Variants in ZNRF1 observed in about 807,000 individuals in gnomAD.
The protein encoded by ZNRF1 is zinc and ring finger 1.
A neutral mutation model predicts 18.4 loss-of-function variants in ZNRF1; 3 were observed. The observed-to-expected ratio is 0.16, with a 90% CI of 0.07 to 0.42. The LOEUF (loss-of-function observed/expected upper bound fraction) is 0.42. Among genes scored for constraint, ZNRF1 ranks in the 10% least tolerant of loss-of-function variants. The pLI, the probability that ZNRF1 is intolerant of heterozygous loss-of-function variation, is 0.99. For missense variants in ZNRF1, 310 were observed against 329.8 expected (o/e 0.94, Z 0.47); for synonymous variants, 157 against 144.2 (o/e 1.09, Z -0.64).
intron 1 of ZNRF1, among the ~76,000 whole-genome samples, chr16:75,077,210 G>A (rs928209166): frequency 3.9e-5 from 6 of 152,146 alleles, no homozygotes; most frequent in African/African-American, 1.2e-4. Context: ...GGCCAACATG[G>A]TGAAACCCCA....
At chr16:75,049,588 G>A (rs1025043323) in intron 1 of ZNRF1, among the ~76,000 whole-genome samples, 7 of 152,104 alleles carry the variant, frequency 4.6e-5, no homozygotes, top group African/African-American at 9.7e-5. Flanking sequence ...CTTGAGCTCC[G>A]GAGTTAGAGA....
At chr16:75,020,328 AT>A (rs1348634528) in intron 1 of ZNRF1, among the ~76,000 whole-genome samples, 3 of 151,542 alleles carry the variant, frequency 2.0e-5, no homozygotes, top group South Asian at 2.1e-4. Context: ...ATATAGTTGG[AT>A]TTTTTTCCAG....
At chr16:75,013,538 G>A (rs572407287) in intron 1 of ZNRF1, among the ~76,000 whole-genome samples, 1 of 152,164 alleles carries the variant, frequency 6.6e-6, no homozygotes, top group Non-Finnish European at 1.5e-5. Flanking sequence ...GGAGAGATGG[G>A]GTTTTACCAT....
intron 1 of ZNRF1, among the ~76,000 whole-genome samples, chr16:75,022,121 G>C (rs973783687): frequency 2.0e-5 from 3 of 152,180 alleles, no homozygotes; most frequent in Admixed American, 6.5e-5. Context: ...CTGGCATGGT[G>C]GTGGGCACCT....
In ZNRF1 at chr16:74,999,779, C is replaced by G; in HGVS notation, c.108C>G (p.His36Gln). ...PPPGGAPHFGHYRTGGGAMGL... is the reference protein window; with the variant it reads ...PPPGGAPHFGQYRTGGGAMGL... Reference sequence around the variant, plus strand: ...CGGGAGGGGCGCCCCATTTCGGGCACTACCGGACGGGCGGCGGGGCCATGG... The same window carrying G: ...CGGGAGGGGCGCCCCATTTCGGGCAGTACCGGACGGGCGGCGGGGCCATGG... The change falls in exon 1 of 5, where the codon CAC becomes CAG. Residue 36 changes from histidine to glutamine, a missense_variant. His to Gln is a conservative substitution (Grantham distance 24). Transcript: ENST00000335325. 2.1e-6 allele frequency: 3 copies of G among 1,414,482 alleles called. No individual in the cohort carries two copies. The highest frequency in any genetic ancestry group is 2.7e-6 in the Non-Finnish European group (3 of 1,091,020). The allele number at this position is 1,414,482 out of a possible 1,614,324, so 87.6% of individuals were successfully genotyped here.
chr16:75,053,273 G>A (rs912019144), intron 1 of ZNRF1, among the ~76,000 whole-genome samples: 1 of 152,102 alleles, frequency 6.6e-6, no homozygotes, highest in African/African-American at 2.4e-5. Context: ...TCTCTAACTT[G>A]AGGACTCCAG....
At chr16:75,040,909 A>G (rs1416673056) in intron 1 of ZNRF1, among the ~76,000 whole-genome samples, 4 of 152,044 alleles carry the variant, frequency 2.6e-5, no homozygotes, top group Non-Finnish European at 5.9e-5. Context: ...TGCCCAGCCC[A>G]CTTACCATGT....
intron 1 of ZNRF1, among the ~76,000 whole-genome samples, chr16:75,062,730 G>A (rs1310803415): frequency 6.6e-6 from 1 of 152,240 alleles, no homozygotes; most frequent in Non-Finnish European, 1.5e-5. Flanking sequence ...GTGCTTGCTA[G>A]GAGAGGCGTC....
chr16:75,046,708 T>G (rs2035520603), intron 1 of ZNRF1: 1 of 152,456 alleles, frequency 6.6e-6, no homozygotes, highest in Non-Finnish European at 1.5e-5. Flanking sequence ...CCCAAGTAGC[T>G]GGGACTACAG....
intron 1 of ZNRF1, among the ~76,000 whole-genome samples, chr16:75,027,999 C>T (rs746958534): frequency 3.9e-5 from 6 of 152,176 alleles, no homozygotes; most frequent in African/African-American, 7.2e-5. Context: ...TATCCACCCA[C>T]GTGCTTGTAT....
chr16:75,034,310 C>A (rs973558390), intron 1 of ZNRF1, among the ~76,000 whole-genome samples: 2 of 152,154 alleles, frequency 1.3e-5, no homozygotes, highest in African/African-American at 2.4e-5. Flanking sequence ...TTCCATTTCC[C>A]TCTCCCCTCA....
intron 1 of ZNRF1, among the ~76,000 whole-genome samples, chr16:75,085,203 C>T (rs77657067): frequency 4.6e-5 from 7 of 152,196 alleles, no homozygotes; most frequent in African/African-American, 1.7e-4. Context: ...TCTCTGCCCC[C>T]ACCCTAACCC....
At chr16:75,015,320 G>A (rs537120567) in intron 1 of ZNRF1, among the ~76,000 whole-genome samples, 3 of 152,232 alleles carry the variant, frequency 2.0e-5, no homozygotes, top group East Asian at 1.9e-4. Flanking sequence ...TTTATTGGCC[G>A]GGCGAGGTAG....
intron 2 of ZNRF1, among the ~76,000 whole-genome samples, chr16:75,099,714 C>G (rs992060373): frequency 1.3e-5 from 2 of 152,216 alleles, no homozygotes; most frequent in African/African-American, 4.8e-5. Context: ...ACATTTGACT[C>G]CATCTGCAGC....
chr16:75,105,134 G>A, intron 3 of ZNRF1: 1 of 436,812 alleles, frequency 2.3e-6, no homozygotes, highest in South Asian at 2.3e-5. Context: ...CAGGTGGTGG[G>A]AGCTGATGGG....
intron 1 of ZNRF1, among the ~76,000 whole-genome samples, chr16:75,047,570 AT>A (rs1308061253): frequency 6.6e-6 from 1 of 152,202 alleles, no homozygotes; most frequent in Non-Finnish European, 1.5e-5. Context: ...TCTAATTGTT[AT>A]TGGCATGTGG....
chr16:75,072,989 T>C (rs2145402465), intron 1 of ZNRF1, among the ~76,000 whole-genome samples: 1 of 152,258 alleles, frequency 6.6e-6, no homozygotes, highest in East Asian at 1.9e-4. Context: ...AAAGAAAGCA[T>C]TTAAAAAATT....
At chr16:75,038,199 G>A (rs1220864319) in intron 1 of ZNRF1, among the ~76,000 whole-genome samples, 2 of 152,102 alleles carry the variant, frequency 1.3e-5, no homozygotes, top group East Asian at 1.9e-4. Flanking sequence ...ATTCAGGCAG[G>A]GCTCAGCTGG....
chr16:75,016,465 C>G (rs886848262), intron 1 of ZNRF1, among the ~76,000 whole-genome samples: 1 of 151,994 alleles, frequency 6.6e-6, no homozygotes, highest in Non-Finnish European at 1.5e-5. Flanking sequence ...GTCTTGTACT[C>G]CTGACCTCAA....
Sources: allele counts gnomAD v4.1 joint callset (sites outside exome capture counted in the v4.1 genomes callset), GRCh38; gene constraint gnomAD v4.1.1; transcripts MANE v1.5; gene names NCBI Gene and HGNC (gene_info 2026-07-23, HGNC 2026-07-21).